Variants in CDH12 observed in about 807,000 individuals in gnomAD.
CDH12 encodes the protein cadherin-12.
Under a neutral mutation model 74.1 loss-of-function variants are expected in CDH12, and 41 were observed. The ratio of observed to expected loss-of-function variants is 0.55; its 90% CI spans 0.43 to 0.72. The LOEUF is 0.72. Ranked by LOEUF, CDH12 falls within the 30% of genes least tolerant of loss-of-function variation. The pLI is 0.00. For missense variants in CDH12, 945 were observed against 977.2 expected (o/e 0.97, Z 0.44); for synonymous variants, 399 against 355.0 (o/e 1.12, Z -1.39).
Position 22,621,037 on chromosome 5 carries a change from C to T in CDH12, c.-522-115673G>A, listed in dbSNP as rs191646771. On this transcript the variant is annotated intron_variant, in intron 1 of 14. Coordinates refer to ENST00000382254, the MANE Select transcript of CDH12 (RefSeq NM_004061.5). ...TAATAAAATAGAAGCAAAGTATTTG[C>T]GGACTTGCATTTACTTCTAGAGGTT... is the stretch of plus-strand genomic sequence containing the variant. Among the ~76,000 whole-genome samples, 618 of 152,210 alleles carry T rather than the reference C, an allele frequency of 4.1e-3. 3 individuals are homozygous for T. Among genetic ancestry groups the T allele is most frequent in the African/African-American group, 0.014 (580 of 41,538 alleles).
At chr5:22,057,790 A>G (rs1226581753) in intron 5 of CDH12, among the ~76,000 whole-genome samples, 1 of 152,140 alleles carries the variant, frequency 6.6e-6, no homozygotes, top group Non-Finnish European at 1.5e-5. Flanking sequence ...GTTTTCATGG[A>G]GCGATGATGA....
At chr5:22,486,880 C>A (rs1302496621) in intron 2 of CDH12, among the ~76,000 whole-genome samples, 1 of 152,110 alleles carries the variant, frequency 6.6e-6, no homozygotes, top group African/African-American at 2.4e-5. Flanking sequence ...TGGTCATTAT[C>A]TCCAACTTTC....
chr5:22,285,877 A>G (rs1313825979), intron 3 of CDH12, among the ~76,000 whole-genome samples: 1 of 152,178 alleles, frequency 6.6e-6, no homozygotes, highest in Non-Finnish European at 1.5e-5. Context: ...ATGAGGCACT[A>G]AAGAAAGTGA....
intron 1 of CDH12, among the ~76,000 whole-genome samples, chr5:22,555,167 G>C (rs998904576): frequency 5.3e-5 from 8 of 151,836 alleles, no homozygotes; most frequent in Non-Finnish European, 1.0e-4. Flanking sequence ...GTATCTTCTT[G>C]TGCCTCTCTT....
intron 6 of CDH12, among the ~76,000 whole-genome samples, chr5:21,860,262 A>G (rs1397455291): frequency 6.6e-6 from 1 of 152,080 alleles, no homozygotes; most frequent in Non-Finnish European, 1.5e-5. Context: ...ATTTCATATC[A>G]GCATTTAAGT....
chr5:22,562,357 C>T (rs1315229371), intron 1 of CDH12, among the ~76,000 whole-genome samples: 2 of 151,936 alleles, frequency 1.3e-5, no homozygotes, highest in African/African-American at 4.8e-5. Flanking sequence ...AAAAAACATA[C>T]ATAGAGATTA....
At chr5:22,390,083 C>A (rs1350345607) in intron 3 of CDH12, among the ~76,000 whole-genome samples, 1 of 151,932 alleles carries the variant, frequency 6.6e-6, no homozygotes, top group African/African-American at 2.4e-5. Context: ...GATATTCTAG[C>A]ATCCTTGAAG....
At chr5:21,835,921 T>A (rs1250842054) in intron 8 of CDH12, among the ~76,000 whole-genome samples, 2 of 151,824 alleles carry the variant, frequency 1.3e-5, no homozygotes, top group Non-Finnish European at 2.9e-5. Context: ...AACTTGGACA[T>A]CTTGTAGTCC....
chr5:21,966,884 T>C (rs1187715686), intron 6 of CDH12, among the ~76,000 whole-genome samples: 5 of 152,172 alleles, frequency 3.3e-5, no homozygotes, highest in Non-Finnish European at 7.3e-5. Context: ...TTGAATCGCA[T>C]GCAGTTGTCA....
chr5:22,249,328 G>A (rs1753060205), intron 3 of CDH12, among the ~76,000 whole-genome samples: 1 of 152,172 alleles, frequency 6.6e-6, no homozygotes, highest in Non-Finnish European at 1.5e-5. Flanking sequence ...GGAAAGAGAG[G>A]AAAGCAGAAT....
intron 1 of CDH12, among the ~76,000 whole-genome samples, chr5:22,532,347 T>A: frequency 8.2e-5 from 1 of 12,152 alleles, no homozygotes; most frequent in Admixed American, 8.6e-4. Context: ...ATTATATAAA[T>A]AGGATATATA....
At chr5:22,452,880 C>CAAAAAAAAAAAAAAAAAAAAAA (rs768945480) in intron 2 of CDH12, among the ~76,000 whole-genome samples, 9 of 32,204 alleles carry the variant, frequency 2.8e-4, no homozygotes, top group African/African-American at 5.8e-4. Flanking sequence ...AACCTAAGAG[C>CAAAAAAAAAAAAAAAAAAAAAA]AAAAAAAAAA....
chr5:22,464,815 A>T (rs1745658830), intron 2 of CDH12, among the ~76,000 whole-genome samples: 1 of 152,052 alleles, frequency 6.6e-6, no homozygotes, highest in Non-Finnish European at 1.5e-5. Context: ...CAGCCTGGTT[A>T]ACATGGTGAA....
chr5:22,197,456 A>G, intron 4 of CDH12, among the ~76,000 whole-genome samples: 1 of 152,086 alleles, frequency 6.6e-6, no homozygotes. Context: ...CAAAATAAAT[A>G]AATAAATACA....
At chr5:22,338,687 T>C (rs1038483888) in intron 3 of CDH12, among the ~76,000 whole-genome samples, 2 of 152,288 alleles carry the variant, frequency 1.3e-5, no homozygotes, top group Middle Eastern at 3.4e-3. Context: ...CCCATAAATA[T>C]GTACACATAC....
intron 1 of CDH12, among the ~76,000 whole-genome samples, chr5:22,647,209 C>G (rs1739479551): frequency 6.6e-6 from 1 of 151,710 alleles, no homozygotes; most frequent in Non-Finnish European, 1.5e-5. Flanking sequence ...AGTTAGTTGT[C>G]TTCTCTGTAT....
intron 2 of CDH12, among the ~76,000 whole-genome samples, chr5:22,443,891 T>A (rs1369885430): frequency 1.3e-5 from 2 of 152,106 alleles, no homozygotes; most frequent in Admixed American, 1.3e-4. Flanking sequence ...TATGTATATT[T>A]ACACATGCAT....
At position 22,798,412 on chromosome 5, in the gene CDH12, CA is replaced by C. The variant is rs1235870028; in HGVS notation, c.-523+54645del. Among the ~76,000 whole-genome samples, 12 of 152,106 alleles carry C rather than the reference CA, an allele frequency of 7.9e-5. No individual in the cohort carries two copies. The East Asian group carries it at 1.7e-3, about 22-fold the overall frequency. ...ATATATATTTTTTAAATTTTACAAA[CA>C]GTGCAGTTTTTTATTAGAAATAAAT... On this transcript the variant is annotated intron_variant, in intron 1 of 14. Transcript: ENST00000382254.
intron 2 of CDH12, among the ~76,000 whole-genome samples, chr5:22,435,391 CAT>C (rs1223589667): frequency 4.7e-5 from 7 of 149,632 alleles, no homozygotes; most frequent in East Asian, 2.0e-4. Flanking sequence ...TAATAACCCC[CAT>C]ATATATATAT....
Sources: allele counts gnomAD v4.1 joint callset (sites outside exome capture counted in the v4.1 genomes callset), GRCh38; gene constraint gnomAD v4.1.1; transcripts MANE v1.5; gene names NCBI Gene and HGNC (gene_info 2026-07-23, HGNC 2026-07-21).